Variants in EYS observed in about 807,000 individuals in gnomAD.
The protein encoded by EYS is EGF-like photoreceptor maintenance factor, also known as protein eyes shut homolog.
In EYS, 250 loss-of-function variants were observed where a neutral mutation model predicts 282.1. The observed-to-expected ratio is 0.89, with a 90% confidence interval of 0.80 to 0.98. The LOEUF (loss-of-function observed/expected upper bound fraction) is 0.98, where lower values mean the gene tolerates loss of function less well. Ranked by LOEUF, EYS falls within the 50% of genes least tolerant of loss-of-function variation. EYS has a pLI of 0.00. For synonymous variants in EYS, 1,355 were observed against 1,282.9 expected (o/e 1.06, Z -1.20); for missense variants, 4,016 against 3,709.0 (o/e 1.08, Z -2.15).
At chr6:65,546,921 C>T (rs1768413769) in intron 2 of EYS, among the ~76,000 whole-genome samples, 1 of 151,988 alleles carries the variant, frequency 6.6e-6, no homozygotes, top group Admixed American at 6.6e-5. Context: ...TAGGAGCAGG[C>T]AGCATTTGCC....
At chr6:65,137,551 C>G (rs1016311278) in intron 12 of EYS, among the ~76,000 whole-genome samples, 5 of 151,936 alleles carry the variant, frequency 3.3e-5, no homozygotes, top group Admixed American at 2.0e-4. Context: ...ATTTTGACTT[C>G]AGTATACAAA....
intron 33 of EYS, among the ~76,000 whole-genome samples, chr6:64,048,507 C>T (rs891142939): frequency 4.6e-5 from 7 of 152,048 alleles, no homozygotes; most frequent in African/African-American, 1.7e-4. Context: ...TTGTAGAAAC[C>T]TTGGTCATGG....
At chr6:64,440,855 C>T (rs1249213501) in intron 26 of EYS, among the ~76,000 whole-genome samples, 2 of 151,914 alleles carry the variant, frequency 1.3e-5, no homozygotes, top group African/African-American at 4.8e-5. Flanking sequence ...TCAAAAAGTT[C>T]ACATAAAATA....
At chr6:65,682,346 C>G (rs1768861860) in intron 1 of EYS, among the ~76,000 whole-genome samples, 1 of 151,826 alleles carries the variant, frequency 6.6e-6, no homozygotes, top group African/African-American at 2.4e-5. Flanking sequence ...ATTTATTATC[C>G]TGATTAGGAG....
At chr6:63,826,845 C>CAAAAAAAAAAAAAAAAAA (rs59957107) in intron 36 of EYS, among the ~76,000 whole-genome samples, 3 of 76,742 alleles carry the variant, frequency 3.9e-5, no homozygotes, top group African/African-American at 5.1e-5. Flanking sequence ...AGTTAAAAAG[C>CAAAAAAAAAAAAAAAAAA]AAAAAAAAAA....
intron 14 of EYS, among the ~76,000 whole-genome samples, chr6:64,950,788 T>TATAC (rs1454843861): frequency 1.1e-3 from 94 of 88,562 alleles, no homozygotes; most frequent in African/African-American, 4.0e-3. Flanking sequence ...TATATACACA[T>TATAC]ATACATATAC....
intron 26 of EYS, among the ~76,000 whole-genome samples, chr6:64,451,147 T>C (rs1052585848): frequency 6.6e-6 from 1 of 151,886 alleles, no homozygotes; most frequent in Admixed American, 6.6e-5. Flanking sequence ...AAGAATCAAA[T>C]AGATGCAATA....
chr6:64,366,722 G>T (rs1173707983), intron 29 of EYS, among the ~76,000 whole-genome samples: 4 of 151,932 alleles, frequency 2.6e-5, no homozygotes, highest in Non-Finnish European at 5.9e-5. Flanking sequence ...GTGATCTACT[G>T]GCAGAAAAAA....
At chr6:64,826,817 CA>C in intron 19 of EYS, among the ~76,000 whole-genome samples, 1 of 150,888 alleles carries the variant, frequency 6.6e-6, no homozygotes, top group South Asian at 2.1e-4. Flanking sequence ...ACAAGTTTTT[CA>C]AAATCACTTT....
chr6:64,032,260 ACACT>A (rs146198884), intron 33 of EYS, among the ~76,000 whole-genome samples: 2,905 of 152,292 alleles, frequency 0.019, 90 homozygotes, highest in African/African-American at 0.067. Flanking sequence ...AAGAGCTGTA[ACACT>A]CACCGCGAGG....
intron 12 of EYS, among the ~76,000 whole-genome samples, chr6:65,115,717 G>A (rs1343945914): frequency 1.3e-5 from 2 of 152,056 alleles, no homozygotes; most frequent in Admixed American, 1.3e-4. Context: ...GACTGTGGCA[G>A]ACATATCACT....
At chr6:64,556,498 A>C (rs1347069949) in intron 26 of EYS, among the ~76,000 whole-genome samples, 1 of 151,990 alleles carries the variant, frequency 6.6e-6, no homozygotes, top group East Asian at 1.9e-4. Flanking sequence ...TATTGACTAC[A>C]CAAAGGCATG....
At chr6:65,607,643 A>ATT (rs10635072) in intron 2 of EYS, among the ~76,000 whole-genome samples, 117,547 of 151,596 alleles carry the variant, frequency 0.78, 45,684 homozygotes, top group Middle Eastern at 0.82. Flanking sequence ...TCAAATATGC[A>ATT]GTTATCTGAG....
intron 12 of EYS, among the ~76,000 whole-genome samples, chr6:65,199,060 T>G (rs935706593): frequency 6.6e-6 from 1 of 152,096 alleles, no homozygotes; most frequent in African/African-American, 2.4e-5. Flanking sequence ...AAATTAGACA[T>G]CCAGTAGTCC....
intron 19 of EYS, among the ~76,000 whole-genome samples, chr6:64,869,921 T>C (rs1013627037): frequency 6.6e-6 from 1 of 151,438 alleles, no homozygotes; most frequent in Non-Finnish European, 1.5e-5. Context: ...AGTAAGGAGG[T>C]TGACTGAGAA....
intron 22 of EYS, among the ~76,000 whole-genome samples, chr6:64,628,967 T>C (rs540998191): frequency 1.3e-5 from 2 of 152,336 alleles, no homozygotes; most frequent in East Asian, 1.9e-4. Context: ...ACAATATTAC[T>C]ACATTATTAT....
chr6:64,757,860 C>T (rs1773005943), intron 22 of EYS, among the ~76,000 whole-genome samples: 1 of 151,924 alleles, frequency 6.6e-6, no homozygotes, highest in Non-Finnish European at 1.5e-5. Flanking sequence ...TCTCGGCTCA[C>T]TGCAAGCTTC....
chr6:63,952,215 C>T (rs1765626120), intron 35 of EYS, among the ~76,000 whole-genome samples: 1 of 152,208 alleles, frequency 6.6e-6, no homozygotes, highest in South Asian at 2.1e-4. Flanking sequence ...CAAGGAATGC[C>T]CACAGCCCAG....
At chr6:64,319,725 G>GATA (rs1770134870) in intron 29 of EYS, among the ~76,000 whole-genome samples, 1 of 151,198 alleles carries the variant, frequency 6.6e-6, no homozygotes, top group African/African-American at 2.4e-5. Context: ...ATGGATGGAT[G>GATA]GATAGACAGA....
Sources: gnomAD v4.1 joint callset for allele counts (sites outside exome capture counted in the v4.1 genomes callset) on GRCh38, gnomAD v4.1.1 for gene constraint, MANE v1.5 for transcripts, NCBI Gene and HGNC (gene_info 2026-07-23, HGNC 2026-07-21) for gene names.